NRXN1: variants seen among roughly 807,000 people sequenced by gnomAD.
NRXN1 encodes neurexin 1, also known as neurexin-1.
NRXN1 carries 39 observed loss-of-function variants against 150.9 expected under a neutral mutation model. The observed-to-expected ratio is 0.26, with a 90% CI of 0.20 to 0.34. The LOEUF (loss-of-function observed/expected upper bound fraction) is 0.34. Among genes scored for constraint, NRXN1 ranks in the 10% least tolerant of loss-of-function variants. NRXN1 has a pLI of 1.00. For missense variants in NRXN1, 1,815 were observed against 1,949.9 expected (o/e 0.93, Z 1.30); for synonymous variants, 924 against 757.0 (o/e 1.22, Z -3.62).
At chr2:51,019,926 T>C (rs1445592361) in intron 2 of NRXN1, among the ~76,000 whole-genome samples, 1 of 152,068 alleles carries the variant, frequency 6.6e-6, no homozygotes, top group African/African-American at 2.4e-5. Context: ...GGATATATGT[T>C]ACAAATATTT....
At chr2:50,994,562 A>T (rs12713128) in intron 2 of NRXN1, among the ~76,000 whole-genome samples, 99,100 of 151,762 alleles carry the variant, frequency 0.65, 32,994 homozygotes, top group African/African-American at 0.77. Flanking sequence ...CCTCATCATA[A>T]TCAGAGAATT....
intron 17 of NRXN1, among the ~76,000 whole-genome samples, chr2:50,289,899 T>A (rs1413788433): frequency 1.3e-5 from 2 of 152,174 alleles, no homozygotes; most frequent in Admixed American, 1.3e-4. Flanking sequence ...AGGAAAAATA[T>A]AATATTTAGA....
At chr2:50,695,362 A>C (rs910863783) in intron 5 of NRXN1, among the ~76,000 whole-genome samples, 1 of 152,208 alleles carries the variant, frequency 6.6e-6, no homozygotes, top group Non-Finnish European at 1.5e-5. Flanking sequence ...CAAGGATATA[A>C]GCTATCAAGT....
chr2:50,096,810 C>G lies in NRXN1; in HGVS notation c.3547-5316G>C, dbSNP rs563061195. On this transcript the variant is annotated intron_variant, in intron 18 of 22. Transcript: ENST00000401669. ...AAGGGAAACATCATGAAATATGACA[C>G]TGGGAAGGTCCCTGAAATTTCTAGC... is the stretch of plus-strand genomic sequence containing the variant. Among the ~76,000 whole-genome samples, 92 of 152,272 alleles carry G rather than the reference C, an allele frequency of 6.0e-4. 3 individuals are homozygous for G. Among genetic ancestry groups the G allele is most frequent in the Admixed American group, 5.3e-3 (81 of 15,296 alleles).
chr2:50,969,641 AAG>A (rs1257649252), intron 2 of NRXN1, among the ~76,000 whole-genome samples: 6 of 152,182 alleles, frequency 3.9e-5, no homozygotes, highest in African/African-American at 9.7e-5. Context: ...GGGAAATAAA[AAG>A]AGTTTTAAAA....
intron 21 of NRXN1, chr2:50,022,589 A>C (rs942201558): frequency 6.6e-6 from 1 of 152,258 alleles, no homozygotes; most frequent in Non-Finnish European, 1.5e-5. Flanking sequence ...GCAAAATTTC[A>C]AAACTGGGAT....
Position 49,932,040 on chromosome 2 carries a change from A to T in NRXN1, c.4217-9789T>A, listed in dbSNP as rs187648208. Among the ~76,000 whole-genome samples, 645 of 152,094 alleles carry T rather than the reference A, an allele frequency of 4.2e-3. 2 individuals carry two copies. Among genetic ancestry groups the T allele is most frequent in the Non-Finnish European group, 7.2e-3 (487 of 68,014 alleles). ...ACAAAAATGGCAACATTATAGCTAG[A>T]GTAATGAGGAGTATGTGTGTGCATG... On this transcript the variant is annotated intron_variant, in intron 22 of 22. Transcript: ENST00000401669.
intron 17 of NRXN1, among the ~76,000 whole-genome samples, chr2:50,333,374 G>A (rs1018889480): frequency 1.3e-5 from 2 of 151,996 alleles, no homozygotes; most frequent in East Asian, 3.9e-4. Flanking sequence ...GATTTCATAT[G>A]AAATAAAAAG....
intron 5 of NRXN1, among the ~76,000 whole-genome samples, chr2:50,908,102 C>T (rs558567865): frequency 1.2e-4 from 19 of 152,040 alleles, no homozygotes; most frequent in African/African-American, 4.6e-4. Context: ...AATACCAAGC[C>T]TTATTTATGT....
chr2:50,686,685 A>G (rs899654831), intron 5 of NRXN1, among the ~76,000 whole-genome samples: 1 of 152,214 alleles, frequency 6.6e-6, no homozygotes, highest in African/African-American at 2.4e-5. Flanking sequence ...ATTCTGCTGT[A>G]TCCACCACAT....
At chr2:50,186,780 T>C (rs1045497907) in intron 18 of NRXN1, among the ~76,000 whole-genome samples, 2 of 152,040 alleles carry the variant, frequency 1.3e-5, no homozygotes, top group East Asian at 1.9e-4. Context: ...TGAGGAGATA[T>C]AAGCAATATC....
chr2:50,536,122 C>T (rs1298397243), intron 10 of NRXN1, among the ~76,000 whole-genome samples: 1 of 152,146 alleles, frequency 6.6e-6, no homozygotes, highest in Non-Finnish European at 1.5e-5. Flanking sequence ...ATAATAGCCA[C>T]GAACTGGGCA....
chr2:49,963,047 T>G (rs1476800814), intron 21 of NRXN1, among the ~76,000 whole-genome samples: 4 of 152,132 alleles, frequency 2.6e-5, no homozygotes, highest in Non-Finnish European at 5.9e-5. Flanking sequence ...ACGGATTCAC[T>G]AAAAATTAAA....
chr2:50,462,229 A>G (rs1295534713), intron 17 of NRXN1, among the ~76,000 whole-genome samples: 1 of 151,932 alleles, frequency 6.6e-6, no homozygotes, highest in Non-Finnish European at 1.5e-5. Flanking sequence ...TTCCTAGTAG[A>G]AGTATAGAGT....
At chr2:50,242,911 A>G (rs2152888132) in intron 17 of NRXN1, among the ~76,000 whole-genome samples, 1 of 151,924 alleles carries the variant, frequency 6.6e-6, no homozygotes, top group East Asian at 1.9e-4. Flanking sequence ...ATGACATGTC[A>G]CAGAAATGGT....
At chr2:50,012,756 A>T (rs991889459) in intron 21 of NRXN1, among the ~76,000 whole-genome samples, 1 of 152,176 alleles carries the variant, frequency 6.6e-6, no homozygotes, top group Non-Finnish European at 1.5e-5. Context: ...CAAGAAAAAG[A>T]AGTAGTTGAC....
intron 18 of NRXN1, among the ~76,000 whole-genome samples, chr2:50,098,176 T>C (rs1014136558): frequency 7.2e-5 from 11 of 152,168 alleles, no homozygotes; most frequent in African/African-American, 2.7e-4. Context: ...TGTTTAAAAT[T>C]CATTCAGGTA....
chr2:49,990,540 T>C (rs888153178), intron 21 of NRXN1, among the ~76,000 whole-genome samples: 2 of 151,162 alleles, frequency 1.3e-5, no homozygotes, highest in Non-Finnish European at 1.5e-5. Flanking sequence ...CAGGAGGTTT[T>C]GCAGTTTAGG....
At chr2:50,628,488 A>G (rs1681601843) in intron 5 of NRXN1, among the ~76,000 whole-genome samples, 1 of 151,882 alleles carries the variant, frequency 6.6e-6, no homozygotes, top group East Asian at 1.9e-4. Context: ...GAAAGAACAT[A>G]TATACTACAT....
Sources: allele counts gnomAD v4.1 joint callset (sites outside exome capture counted in the v4.1 genomes callset), GRCh38; gene constraint gnomAD v4.1.1; transcripts MANE v1.5; gene names NCBI Gene and HGNC (gene_info 2026-07-23, HGNC 2026-07-21).